Variants in RMST observed in about 807,000 individuals in gnomAD.
RMST encodes the protein rhabdomyosarcoma 2 associated transcript.
intron 10 of RMST, among the ~76,000 whole-genome samples, chr12:97,506,845 G>A (rs1449885019): frequency 4.0e-5 from 6 of 151,552 alleles, no homozygotes; most frequent in African/African-American, 2.4e-5. Flanking sequence ...CACCACTCCC[G>A]GCTAATTTTT....
intron 7 of RMST, chr12:97,493,753 C>T (rs943430884): frequency 7.2e-5 from 11 of 152,168 alleles, no homozygotes; most frequent in Non-Finnish European, 1.2e-4. Flanking sequence ...ATTTTTCCAG[C>T]TAATTTGTGC....
At chr12:97,554,386 T>C (rs1158802449) in intron 11 of RMST, among the ~76,000 whole-genome samples, 1 of 152,140 alleles carries the variant, frequency 6.6e-6, no homozygotes, top group African/African-American at 2.4e-5. Flanking sequence ...ATAATTTAAG[T>C]AGTAGAAATC....
intron 9 of RMST, among the ~76,000 whole-genome samples, chr12:97,495,381 GA>G (rs1307189011): frequency 2.6e-5 from 4 of 151,838 alleles, no homozygotes; most frequent in Non-Finnish European, 5.9e-5. Flanking sequence ...TGCATGACAA[GA>G]AAAAAAGTAA....
intron 13 of RMST, among the ~76,000 whole-genome samples, chr12:97,561,900 A>G (rs1565941125): frequency 6.6e-6 from 1 of 152,152 alleles, no homozygotes; most frequent in South Asian, 2.1e-4. Flanking sequence ...CTGTTAATCA[A>G]TAATAACATT....
intron 11 of RMST, among the ~76,000 whole-genome samples, chr12:97,559,770 G>A (rs912952818): frequency 6.6e-6 from 1 of 152,156 alleles, no homozygotes; most frequent in African/African-American, 2.4e-5. Flanking sequence ...TTCTAGAAGT[G>A]TGGGGATGAC....
chr12:97,520,485 A>T (rs1276293605), intron 10 of RMST, among the ~76,000 whole-genome samples: 1 of 152,134 alleles, frequency 6.6e-6, no homozygotes, highest in African/African-American at 2.4e-5. Context: ...CCATACTCTT[A>T]TTTTAGTGGG....
At chr12:97,484,964 C>T (rs1875906779) in intron 5 of RMST, among the ~76,000 whole-genome samples, 1 of 152,212 alleles carries the variant, frequency 6.6e-6, no homozygotes, top group African/African-American at 2.4e-5. Context: ...ACGTAGAAGA[C>T]TTCCCAGCCT....
chr12:97,523,181 G>T (rs1271134273), intron 10 of RMST, among the ~76,000 whole-genome samples: 3 of 152,214 alleles, frequency 2.0e-5, no homozygotes, highest in African/African-American at 7.2e-5. Flanking sequence ...TTATTTGGTT[G>T]TTGGGCCAAG....
intron 10 of RMST, among the ~76,000 whole-genome samples, chr12:97,517,429 A>G (rs1313754308): frequency 6.6e-6 from 1 of 151,964 alleles, no homozygotes; most frequent in Non-Finnish European, 1.5e-5. Flanking sequence ...TCAAAAGGGG[A>G]AAGCCCTATC....
rs576629301 is a variant in RMST at position 97,506,016 on chromosome 12, A to T, written n.1340+9960A>T. Among the ~76,000 whole-genome samples, 71 of 152,332 alleles carry T rather than the reference A, an allele frequency of 4.7e-4. No homozygotes were observed. The South Asian group carries it at 5.8e-3, about 12-fold the overall frequency. ...GACTTCTGTATAAATGAGGTCAATT[A>T]ATTATTCTAAAAACCCACATATTTT... On this transcript the variant is annotated intron_variant and non_coding_transcript_variant, in intron 10 of 13. Coordinates refer to ENST00000640149, the Ensembl canonical transcript of RMST.
At chr12:97,507,257 GTTTTTTTTTTGTTTTTGTCT>G (rs1878791923) in intron 10 of RMST, among the ~76,000 whole-genome samples, 1 of 117,992 alleles carries the variant, frequency 8.5e-6, no homozygotes, top group South Asian at 2.5e-4. Context: ...GGTTGTTATT[GTTTTTTTTTTGTTTTTGTCT>G]TTTTTTTTTT....
At chr12:97,470,415 T>C (rs1313914404) in intron 5 of RMST, among the ~76,000 whole-genome samples, 1 of 151,690 alleles carries the variant, frequency 6.6e-6, no homozygotes, top group Middle Eastern at 3.2e-3. Flanking sequence ...TTCATACATG[T>C]TTTAGGCCAG....
chr12:97,494,731 C>T (rs1380093409), exon 9 of RMST: 1 of 152,008 alleles, frequency 6.6e-6, no homozygotes, highest in Non-Finnish European at 1.5e-5. Flanking sequence ...ACAATTTATG[C>T]TCTAACTTTG....
chr12:97,560,032 CTTTA>C (rs1370601422), intron 11 of RMST, among the ~76,000 whole-genome samples: 1 of 152,014 alleles, frequency 6.6e-6, no homozygotes, highest in African/African-American at 2.4e-5. Context: ...ACTTCGTTGT[CTTTA>C]TTTATGGTTT....
At chr12:97,537,537 A>T (rs1882165143) in intron 11 of RMST, among the ~76,000 whole-genome samples, 1 of 151,236 alleles carries the variant, frequency 6.6e-6, no homozygotes, top group Non-Finnish European at 1.5e-5. Context: ...AAAATTACAC[A>T]TTTTTTTGCA....
chr12:97,545,140 C>A (rs1882840119), intron 11 of RMST, among the ~76,000 whole-genome samples: 1 of 152,056 alleles, frequency 6.6e-6, no homozygotes, highest in African/African-American at 2.4e-5. Flanking sequence ...TCTCTCTAGT[C>A]AATTTCCTCA....
At chr12:97,507,287 T>TAAA (rs143392654) in intron 10 of RMST, among the ~76,000 whole-genome samples, 1 of 145,562 alleles carries the variant, frequency 6.9e-6, no homozygotes. Flanking sequence ...TTTTTTTTTT[T>TAAA]AAAAAAAAAA....
intron 10 of RMST, among the ~76,000 whole-genome samples, chr12:97,500,149 CA>C (rs1296593989): frequency 6.6e-6 from 1 of 152,126 alleles, no homozygotes; most frequent in African/African-American, 2.4e-5. Flanking sequence ...TGCCTTCTCC[CA>C]GCATTATATC....
chr12:97,482,497 T>C (rs1044207104), intron 5 of RMST, among the ~76,000 whole-genome samples: 2 of 151,904 alleles, frequency 1.3e-5, no homozygotes, highest in African/African-American at 2.4e-5. Context: ...TGGAAATAAA[T>C]ATTAATGCTT....
Sources: allele counts gnomAD v4.1 joint callset (sites outside exome capture counted in the v4.1 genomes callset), GRCh38; gene constraint gnomAD v4.1.1; transcripts MANE v1.5; gene names NCBI Gene and HGNC (gene_info 2026-07-23, HGNC 2026-07-21).